The following FLAD1 variants were observed in gnomAD, a reference collection of about 807,000 sequenced individuals.
FLAD1 encodes the protein bifunctional FAD diphosphatase/FAD synthase.
In FLAD1, 35 loss-of-function variants were observed where a neutral mutation model predicts 55.0. That is an observed-to-expected ratio of 0.64 (90% CI 0.49 to 0.84). The LOEUF is 0.84. Ranked by LOEUF, FLAD1 falls within the 40% of genes least tolerant of loss-of-function variation. The pLI, the probability that FLAD1 is intolerant of heterozygous loss-of-function variation, is 0.00. For synonymous variants in FLAD1, 267 were observed against 303.0 expected (o/e 0.88, Z 1.23); for missense variants, 665 against 742.6 (o/e 0.90, Z 1.21).
chr1:154,985,502 A>G lies in FLAD1; in HGVS notation c.372+1436A>G, dbSNP rs2102239097. ...ACTGCAACCTCCACCTCCCAGGTTC[A>G]AGCAATTCTCCTGTCTCAGCCTCCC... On this transcript the variant is annotated intron_variant, in intron 1 of 6. Coordinates refer to ENST00000292180, the MANE Select transcript of FLAD1 (RefSeq NM_025207.5). Among the ~76,000 whole-genome samples, 4 of 151,740 alleles carry G rather than the reference A, an allele frequency of 2.6e-5. No individual in the cohort carries two copies. The East Asian group carries it at 7.8e-4, about 30-fold the overall frequency.
In FLAD1 at chr1:154,983,449, T is replaced by G; in HGVS notation, c.-246T>G. On this transcript the variant is annotated 5_prime_UTR_variant, in exon 1 of 7. The change creates a new upstream start codon in the 5' untranslated region. Coordinates refer to ENST00000292180, the MANE Select transcript of FLAD1 (RefSeq NM_025207.5). Reference sequence around the variant, plus strand: ...CTGAAGCTTGGTGGGAAGAAGGGATTCTGGGCTAGAAAGGGTGCAGAAGCC... The same window carrying G: ...CTGAAGCTTGGTGGGAAGAAGGGATGCTGGGCTAGAAAGGGTGCAGAAGCC... 2.5e-6 allele frequency: 1 copy of G among 406,714 alleles called. No individual in the cohort carries two copies. Among genetic ancestry groups the G allele is most frequent in the East Asian group, 3.7e-5 (1 of 27,138 alleles). The allele number at this position is 406,714 out of a possible 1,614,324, so 25.2% of individuals were successfully genotyped here. A position where few individuals can be genotyped will look rare whatever the true frequency, so the allele number is the denominator to read the frequency against.
At position 154,983,378 on chromosome 1, in the gene FLAD1, T is replaced by A. The variant is rs977651427; in HGVS notation, c.-317T>A. On this transcript the variant is annotated 5_prime_UTR_variant, in exon 1 of 7. Transcript: ENST00000292180. ...GGAAAGGAACAAGGGAAAGAGCCGGTGAAGGGGCAGAACAGGCAGGTGAGA... is the reference window on the plus strand; with the variant it reads ...GGAAAGGAACAAGGGAAAGAGCCGGAGAAGGGGCAGAACAGGCAGGTGAGA... 6 of 236,462 alleles carry A rather than the reference T, an allele frequency of 2.5e-5. No individual in the cohort carries two copies. Among genetic ancestry groups the A allele is most frequent in the Non-Finnish European group, 4.1e-5 (5 of 122,176 alleles). The allele number at this position is 236,462 out of a possible 1,614,324, so 14.6% of individuals were successfully genotyped here. A position where few individuals can be genotyped will look rare whatever the true frequency, so the allele number is the denominator to read the frequency against.
At chr1:154,990,763 T>G (rs1044647053) in intron 5 of FLAD1, 7 of 417,012 alleles carry the variant, frequency 1.7e-5, no homozygotes, top group African/African-American at 1.4e-4. Flanking sequence ...CTTAGACTTG[T>G]GCTGTCCAAT....
intron 5 of FLAD1, 59 bp from the exon 6 acceptor site, chr1:154,992,654 C>G: frequency 6.2e-7 from 1 of 1,614,132 alleles, no homozygotes; most frequent in Non-Finnish European, 8.5e-7. Flanking sequence ...CCCAGGACAG[C>G]AGGGGTAGAA....
At position 154,983,800 on chromosome 1, in the gene FLAD1, C is replaced by T. The variant is rs1657436246; in HGVS notation, c.106C>T (p.Arg36Cys). 6 of 1,614,174 alleles carry T rather than the reference C, an allele frequency of 3.7e-6. No homozygotes were observed. Among genetic ancestry groups the T allele is most frequent in the Non-Finnish European group, 5.1e-6 (6 of 1,180,022 alleles). Reference protein sequence around the residue: ...KTRVFLEGSTRTPALPHCLFW... With the variant: ...KTRVFLEGSTCTPALPHCLFW... Reference sequence around the variant, plus strand: ...TAGGGTCTTCCTCGAAGGAAGCACGCGCACGCCTGCTCTCCCCCATTGTCT... The same window carrying T: ...TAGGGTCTTCCTCGAAGGAAGCACGTGCACGCCTGCTCTCCCCCATTGTCT... The change falls in exon 1 of 7, where the codon CGC becomes TGC. Residue 36 changes from arginine to cysteine, a missense_variant. Arg to Cys is a radical substitution (Grantham distance 180). Transcript: ENST00000292180.
In FLAD1 at chr1:154,988,102, C is replaced by CTTCCCCCTG; in HGVS notation, c.373-3_373-2insTTCCCCCTG. On this transcript the variant is annotated splice_polypyrimidine_tract_variant and splice_region_variant and intron_variant, in intron 1 of 6. Transcript: ENST00000292180. ...TGGCCTCATCTTCCCCTTCAACCCCCAGGGACACACTCAGGACACCAACAC... is the reference window on the plus strand; with the variant it reads ...TGGCCTCATCTTCCCCTTCAACCCCCTTCCCCCTGAGGGACACACTCAGGACACCAACAC... 3.1e-6 allele frequency: 5 copies of CTTCCCCCTG among 1,614,200 alleles called. 1 individual carries two copies. In the South Asian group the frequency reaches 5.5e-5, roughly 18 times the overall value.
At chr1:154,984,134 C>T in intron 1 of FLAD1, 68 bp downstream of exon 1, 1 of 1,348,016 alleles carries the variant, frequency 7.4e-7, no homozygotes, top group South Asian at 2.2e-5. Flanking sequence ...GCTGCACATC[C>T]CTCCATGGAA....
chr1:154,992,491 C>A, intron 5 of FLAD1: 1 of 1,326,062 alleles, frequency 7.5e-7, no homozygotes, highest in Non-Finnish European at 1.1e-6. Flanking sequence ...CACCCTTGCA[C>A]TAGAGGGTGG....
In FLAD1 at chr1:154,984,085, A is replaced by AG. The variant is rs34858109; in HGVS notation, c.372+25dup. On this transcript the variant is annotated intron_variant, in intron 1 of 6. Transcript: ENST00000292180. ...CCTTAAGGTGTGTCTGGGACAGAAA[A>AG]GGGGGGAGGGCGCTGCGTTCTCCTG... The AG allele has an allele frequency of 1.3e-6, 2 of 1,482,396 alleles. No individual in the cohort carries two copies. The highest frequency in any genetic ancestry group is 1.8e-6 in the Non-Finnish European group (2 of 1,113,452). 91.8% of individuals were successfully genotyped at this position (1,482,396 alleles called of 1,614,324 possible). A position where few individuals can be genotyped will look rare whatever the true frequency, so the allele number is the denominator to read the frequency against.
rs61736264 is a variant in FLAD1, at chr1:154,988,461, C to T, written c.729C>T (p.Phe243=). ...CTTGCACTGGTCAACCTTTCAGATTCCCTCTGGTCTCCGTCCGAAACGTCT... is the reference window on the plus strand; with the variant it reads ...CTTGCACTGGTCAACCTTTCAGATTTCCTCTGGTCTCCGTCCGAAACGTCT... ...TDPCTGQPFR[F]PLVSVRNVYL... Residue 243 remains phenylalanine (F), a synonymous_variant, in exon 2 of 7, where the codon TTC becomes TTT. Coordinates refer to ENST00000292180, the MANE Select transcript of FLAD1 (RefSeq NM_025207.5). 3,889 of 1,614,252 alleles carry T rather than the reference C, an allele frequency of 2.4e-3. 10 individuals are homozygous for T. The highest frequency in any genetic ancestry group is 2.8e-3 in the Non-Finnish European group (3,319 of 1,180,046).
Position 154,983,880 on chromosome 1 carries a change from C to T in FLAD1, c.186C>T (p.Gly62=), listed in dbSNP as rs1298145299. The T allele has an allele frequency of 1.9e-6, 3 of 1,613,580 alleles. No individual in the cohort carries two copies. Among genetic ancestry groups the T allele is most frequent in the African/African-American group, 1.3e-5 (1 of 74,912 alleles). Residue 62 remains glycine (G), a synonymous_variant, in exon 1 of 7, where the codon GGC becomes GGT. Coordinates refer to ENST00000292180, the MANE Select transcript of FLAD1 (RefSeq NM_025207.5). ...STQDPLFPGY[G]PQCPVDLAGP... ...AGGACCCCCTGTTCCCAGGCTATGG[C>T]CCCCAGTGCCCTGTAGACCTGGCAG...
chr1:154,988,013 A>G (rs1241568534), intron 1 of FLAD1, 92 bp from the exon 2 acceptor site: 1 of 1,604,436 alleles, frequency 6.2e-7, no homozygotes, highest in East Asian at 2.2e-5. Context: ...AGAGCAGAGC[A>G]CTGCATCATC....
intron 4 of FLAD1, 39 bp downstream of exon 4, chr1:154,990,296 T>C: frequency 6.2e-7 from 1 of 1,613,774 alleles, no homozygotes; most frequent in Non-Finnish European, 8.5e-7. Flanking sequence ...AAGAGAAGCT[T>C]GACAGAGCCC....
chr1:154,986,232 T>G (rs1221927108), intron 1 of FLAD1, among the ~76,000 whole-genome samples: 2 of 150,760 alleles, frequency 1.3e-5, no homozygotes, highest in Non-Finnish European at 3.0e-5. Context: ...GTTTGTTTGT[T>G]TTGAGACGGA....
At chr1:154,984,851 A>T (rs1293121301) in intron 1 of FLAD1, among the ~76,000 whole-genome samples, 2 of 152,026 alleles carry the variant, frequency 1.3e-5, no homozygotes, top group South Asian at 4.1e-4. Flanking sequence ...TTACTAGAGG[A>T]CATAACAGAT....
chr1:154,988,192 G>A lies in FLAD1; in HGVS notation c.460G>A (p.Asp154Asn). ...VQVCRVSVVP[D>N]EVATIAAEVT... The stretch of plus-strand genomic sequence containing the variant: ...GGTTTGCCGAGTCTCAGTTGTACCT[G>A]ATGAGGTAGCCACCATTGCAGCTGA... The change falls in exon 2 of 7, where the codon GAT (aspartate) becomes AAT (asparagine). Residue 154 changes from aspartate (D) to asparagine (N), a missense_variant. By Grantham distance (23) the Asp-to-Asn change is conservative. Coordinates refer to ENST00000292180, the MANE Select transcript of FLAD1 (RefSeq NM_025207.5). The A allele has an allele frequency of 6.2e-7, 1 of 1,614,218 alleles. No individual in the cohort carries two copies. The highest frequency in any genetic ancestry group is 2.2e-5 in the East Asian group (1 of 44,890).
chr1:154,989,932 G>A (rs1657789481), intron 3 of FLAD1, among the ~76,000 whole-genome samples: 1 of 152,188 alleles, frequency 6.6e-6, no homozygotes. Flanking sequence ...GTCCTGCTGG[G>A]GAGATGAGAG....
Position 154,988,373 on chromosome 1 carries a change from G to A in FLAD1, c.641G>A (p.Gly214Glu), listed in dbSNP as rs1657712995. The A allele has an allele frequency of 6.2e-7, 1 of 1,614,198 alleles. No individual in the cohort carries two copies. The highest frequency in any genetic ancestry group is 8.5e-7 in the Non-Finnish European group (1 of 1,180,038). The change falls in exon 2 of 7, where the codon GGG becomes GAG. Residue 214 changes from glycine to glutamate, a missense_variant. Coordinates refer to ENST00000292180, the MANE Select transcript of FLAD1 (RefSeq NM_025207.5). ...KLEAATKALG[G>E]EGWEKLSLVP... is the part of the protein sequence containing the mutation. The stretch of plus-strand genomic sequence containing the variant: ...GAAGCAGCCACCAAAGCCCTAGGAG[G>A]GGAAGGCTGGGAGAAGCTATCATTG...
In FLAD1 at chr1:154,992,639, C is replaced by G. The variant is rs375292536; in HGVS notation, c.1555-74C>G. The G allele has an allele frequency of 4.8e-5, 77 of 1,613,954 alleles. No homozygotes were observed. In the African/African-American group the frequency reaches 1.0e-3, roughly 21 times the overall value. The stretch of plus-strand genomic sequence containing the variant: ...GGGAGCAGAAGAGCCATGGATGGGC[C>G]CCTTCCCAGGACAGCAGGGGTAGAA... On this transcript the variant is annotated intron_variant, in intron 5 of 6. Transcript: ENST00000292180.
Sources: allele counts gnomAD v4.1 joint callset (sites outside exome capture counted in the v4.1 genomes callset), GRCh38; gene constraint gnomAD v4.1.1; transcripts MANE v1.5; gene names NCBI Gene and HGNC (gene_info 2026-07-23, HGNC 2026-07-21).